Variants in INTS6 observed in about 807,000 individuals in gnomAD.
INTS6 encodes the protein integrator complex subunit 6, also known as DEAD box protein.
A neutral mutation model predicts 104.9 loss-of-function variants in INTS6; 16 were observed. The observed-to-expected ratio is 0.15, with a 90% CI of 0.10 to 0.23. INTS6 has a LOEUF of 0.23. INTS6 is among the 10% of genes least tolerant of loss of function. The pLI, the probability that INTS6 is intolerant of heterozygous loss-of-function variation, is 1.00. For synonymous variants in INTS6, 324 were observed against 358.7 expected, an observed-to-expected ratio of 0.90 and a Z score of 1.09; for missense variants, 584 against 1,062.8, an observed-to-expected ratio of 0.55 and a Z score of 6.26.
intron 4 of INTS6, among the ~76,000 whole-genome samples, chr13:51,419,436 T>G (rs1956855948): frequency 6.6e-6 from 1 of 152,200 alleles, no homozygotes; most frequent in Admixed American, 6.5e-5. Context: ...TCTTGAACAC[T>G]TTGCCAGCTA....
chr13:51,355,231 C>A (rs2137805733), intron 3 of INTS6: 1 of 515,236 alleles, frequency 1.9e-6, no homozygotes, highest in Non-Finnish European at 3.4e-6. Context: ...ATTTCAGAGT[C>A]AACATTATGT....
the INTS6 span, chr13:51,347,266 GGAGAGGAAGCCTGGGCCTGAGGGCAGGA>G: frequency 6.3e-7 from 1 of 1,595,936 alleles, no homozygotes; most frequent in South Asian, 1.1e-5. Flanking sequence ...TTGTCTAAAG[GGAGAGGAAGCCTGGGCCTGAGGGCAGGA>G]GAGAGGAGGC....
the INTS6 span, among the ~76,000 whole-genome samples, chr13:51,345,104 G>T: frequency 6.6e-6 from 1 of 152,090 alleles, no homozygotes; most frequent in Non-Finnish European, 1.5e-5. Context: ...AGTTTATTTA[G>T]TTAGCACTGC....
chr13:51,378,802 T>A (rs1219850914), intron 11 of INTS6, among the ~76,000 whole-genome samples: 1 of 152,090 alleles, frequency 6.6e-6, no homozygotes, highest in African/African-American at 2.4e-5. Flanking sequence ...ATTATTTTTT[T>A]AAAATCATCA....
At chr13:51,371,205 C>T (rs949877972) in intron 15 of INTS6, among the ~76,000 whole-genome samples, 3 of 152,112 alleles carry the variant, frequency 2.0e-5, no homozygotes, top group African/African-American at 7.2e-5. Context: ...GCTGTGGTGA[C>T]TTCAGTGTTT....
the INTS6 span, among the ~76,000 whole-genome samples, chr13:51,342,778 C>T: frequency 1.3e-5 from 2 of 152,156 alleles, no homozygotes; most frequent in African/African-American, 4.8e-5. Context: ...AGTCAACATT[C>T]CTAGGAATGT....
chr13:51,408,785 T>C (rs1031597876), intron 4 of INTS6, among the ~76,000 whole-genome samples: 2 of 152,218 alleles, frequency 1.3e-5, no homozygotes, highest in African/African-American at 4.8e-5. Flanking sequence ...TGAATGCTTA[T>C]AATGTGACAA....
the INTS6 span, chr13:51,348,282 G>A: frequency 6.2e-7 from 1 of 1,611,210 alleles, no homozygotes; most frequent in South Asian, 1.1e-5. Context: ...AGTGCAGTGA[G>A]TCTGTTCCTG....
chr13:51,362,744 T>C lies in INTS6; in HGVS notation c.*3008A>G, dbSNP rs1247014213. On this transcript the variant is annotated 3_prime_UTR_variant, in exon 18 of 18. Transcript: ENST00000311234. The stretch of plus-strand genomic sequence containing the variant: ...AATGAAAATTATGCATAGTTTTACA[T>C]AAATTGTTAAGGAAATACTGTCAAC... 2 of 152,462 alleles carry C rather than the reference T, an allele frequency of 1.3e-5. No individual in the cohort carries two copies. The highest frequency in any genetic ancestry group is 2.9e-5 in the Non-Finnish European group (2 of 67,928). The allele number at this position is 152,462 out of a possible 1,614,324, so 9.4% of individuals were successfully genotyped here. A position where few individuals can be genotyped will look rare whatever the true frequency, so the allele number is the denominator to read the frequency against.
intron 3 of INTS6, among the ~76,000 whole-genome samples, chr13:51,432,188 C>A (rs1428843047): frequency 6.6e-6 from 1 of 152,050 alleles, no homozygotes; most frequent in Non-Finnish European, 1.5e-5. Flanking sequence ...TCTCCATATT[C>A]TAATAGTGGT....
At chr13:51,407,075 C>T (rs1162341252) in intron 4 of INTS6, among the ~76,000 whole-genome samples, 4 of 149,390 alleles carry the variant, frequency 2.7e-5, no homozygotes, top group Non-Finnish European at 5.9e-5. Context: ...ATATTCCTTT[C>T]AGAGGAAAAA....
chr13:51,417,452 C>CT (rs34887995), intron 4 of INTS6, among the ~76,000 whole-genome samples: 5,147 of 112,480 alleles, frequency 0.046, 219 homozygotes, highest in Non-Finnish European at 0.068. Flanking sequence ...TAAGAAAATT[C>CT]TTTTTTTTTT....
At chr13:51,361,251 C>T (rs1363107306), downstream of INTS6, 8 of 1,472,378 alleles carry the variant, frequency 5.4e-6, no homozygotes, top group Admixed American at 7.0e-5. Context: ...ATGAGCAACT[C>T]ACATTTTTAT....
chr13:51,409,270 A>AATAATC (rs1290866729), intron 4 of INTS6, among the ~76,000 whole-genome samples: 3 of 42,818 alleles, frequency 7.0e-5, no homozygotes, highest in Admixed American at 2.4e-4. Context: ...CTCAAATAAT[A>AATAATC]ATAATAATAA....
intron 4 of INTS6, among the ~76,000 whole-genome samples, chr13:51,409,191 A>G (rs1956634996): frequency 6.6e-6 from 1 of 151,182 alleles, no homozygotes; most frequent in South Asian, 2.1e-4. Flanking sequence ...GGCACAGTGG[A>G]GGCAGAGGTT....
In INTS6 at chr13:51,451,280, T is replaced by C. The variant is rs1035802904; in HGVS notation, c.190-106A>G. ...AGTAGCAGCTTCACTTTTGGTTGGT[T>C]TGGCTTGGTTAACGTGTTAATACTG... On this transcript the variant is annotated intron_variant, in intron 2 of 17. Transcript: ENST00000311234. The C allele has an allele frequency of 8.4e-6, 8 of 950,130 alleles. No homozygotes were observed. The African/African-American group carries it at 1.2e-4, about 14-fold the overall frequency. 58.9% of individuals were successfully genotyped at this position (950,130 alleles called of 1,614,324 possible). A position where few individuals can be genotyped will look rare whatever the true frequency, so the allele number is the denominator to read the frequency against.
downstream of INTS6, chr13:51,361,256 T>C: frequency 6.5e-7 from 1 of 1,535,974 alleles, no homozygotes; most frequent in Non-Finnish European, 9.0e-7. Flanking sequence ...CAACTCACAT[T>C]TTTATCATTT....
At chr13:51,414,830 C>CTA (rs1166125904) in intron 4 of INTS6, among the ~76,000 whole-genome samples, 1 of 100,560 alleles carries the variant, frequency 9.9e-6, no homozygotes, top group Non-Finnish European at 1.9e-5. Context: ...TGTAGTTCTT[C>CTA]TATACACACA....
At chr13:51,400,321 G>T (rs1156588009) in intron 4 of INTS6, among the ~76,000 whole-genome samples, 1 of 152,116 alleles carries the variant, frequency 6.6e-6, no homozygotes, top group Non-Finnish European at 1.5e-5. Context: ...TATTTTAGTG[G>T]TATCTTTTGA....
Sources: allele counts gnomAD v4.1 joint callset (sites outside exome capture counted in the v4.1 genomes callset), GRCh38; gene constraint gnomAD v4.1.1; transcripts MANE v1.5; gene names NCBI Gene and HGNC (gene_info 2026-07-23, HGNC 2026-07-21).